EXOC2: variants seen among roughly 807,000 people sequenced by gnomAD.
EXOC2 encodes exocyst complex component 2, also known as SEC5-like 1.
A neutral mutation model predicts 131.8 loss-of-function variants in EXOC2; 70 were observed. The observed-to-expected ratio is 0.53, with a 90% CI of 0.44 to 0.65. EXOC2 has a LOEUF of 0.65. Ranked by LOEUF, EXOC2 falls within the 30% of genes least tolerant of loss-of-function variation. EXOC2 has a pLI of 0.00. For missense variants in EXOC2, 923 were observed against 1,108.6 expected (o/e 0.83, Z 2.38); for synonymous variants, 411 against 398.4 (o/e 1.03, Z -0.38).
rs1760640045 is a variant in EXOC2 at position 610,121 on chromosome 6, T to C, written c.719A>G (p.Gln240Arg). The change falls in exon 7 of 28, where the codon CAG (glutamine) becomes CGG (arginine). Residue 240 changes from glutamine (Q) to arginine (R), a missense_variant. By Grantham distance (43) the Gln-to-Arg change is conservative. Transcript: ENST00000230449. ...GTEKVEGSMT[Q>R]KLENVLNRAS... ...ACTGTTCAGAACATTCTCCAGTTTCTGCGTCATGGATCCTTCTACTTTTTC... is the reference window on the plus strand; with the variant it reads ...ACTGTTCAGAACATTCTCCAGTTTCCGCGTCATGGATCCTTCTACTTTTTC... The C allele has an allele frequency of 1.2e-6, 2 of 1,613,994 alleles. No homozygotes were observed. Among genetic ancestry groups the C allele is most frequent in the South Asian group, 2.2e-5 (2 of 91,062 alleles).
chr6:500,948 C>T (rs1764011215), intron 23 of EXOC2, among the ~76,000 whole-genome samples: 2 of 150,202 alleles, frequency 1.3e-5, no homozygotes, highest in African/African-American at 4.9e-5. Flanking sequence ...CTACGGTATA[C>T]AAATAAGGAC....
At chr6:572,999 A>G (rs538490370) in intron 12 of EXOC2, among the ~76,000 whole-genome samples, 1 of 152,326 alleles carries the variant, frequency 6.6e-6, no homozygotes, top group South Asian at 2.1e-4. Flanking sequence ...CGTCTCTTCA[A>G]AAAGTCCCGC....
chr6:629,449 GA>G, intron 4 of EXOC2, among the ~76,000 whole-genome samples: 1 of 152,220 alleles, frequency 6.6e-6, no homozygotes, highest in East Asian at 1.9e-4. Context: ...CAAAATTAAA[GA>G]CCAGATTAGA....
intron 2 of EXOC2, among the ~76,000 whole-genome samples, chr6:634,227 G>C (rs1020511261): frequency 6.6e-6 from 1 of 151,936 alleles, no homozygotes; most frequent in African/African-American, 2.4e-5. Context: ...CACCACGCTC[G>C]GCTAGTTTTT....
At chr6:610,025 T>C in intron 7 of EXOC2, 73 bp downstream of exon 7, 1 of 1,339,526 alleles carries the variant, frequency 7.5e-7, no homozygotes. Flanking sequence ...TCCCGCGATA[T>C]CAGGTCCAAG....
At chr6:572,445 A>G (rs560211240) in intron 13 of EXOC2, 75 bp downstream of exon 13, 1 of 1,518,320 alleles carries the variant, frequency 6.6e-7, no homozygotes, top group African/African-American at 1.4e-5. Context: ...TTAAAAAATC[A>G]CTTAAATCTA....
intron 24 of EXOC2, 54 bp from the exon 25 acceptor site, chr6:497,543 G>A (rs1763811509): frequency 1.9e-6 from 3 of 1,553,444 alleles, no homozygotes; most frequent in Middle Eastern, 1.7e-4. Context: ...ACTTGAATTT[G>A]TTAAAGACAA....
chr6:498,714 T>C (rs577474864), intron 24 of EXOC2, among the ~76,000 whole-genome samples: 1 of 152,276 alleles, frequency 6.6e-6, no homozygotes, highest in Non-Finnish European at 1.5e-5. Flanking sequence ...CACTCTTAAT[T>C]AACCATGTTT....
chr6:659,474 C>A (rs1204506491), intron 1 of EXOC2, among the ~76,000 whole-genome samples: 1 of 152,220 alleles, frequency 6.6e-6, no homozygotes, highest in East Asian at 1.9e-4. Context: ...AACCAGCAAT[C>A]TCAGACCCTC....
At chr6:628,811 A>G (rs1761707150) in intron 4 of EXOC2, among the ~76,000 whole-genome samples, 1 of 152,018 alleles carries the variant, frequency 6.6e-6, no homozygotes, top group African/African-American at 2.4e-5. Context: ...TGTTACCATT[A>G]TTTTCTAAAC....
At chr6:556,135 A>T (rs1265591138) in intron 18 of EXOC2, 122 bp from the exon 19 acceptor site, 15 of 905,320 alleles carry the variant, frequency 1.7e-5, no homozygotes, top group Non-Finnish European at 2.6e-5. Flanking sequence ...CCTTCCTATA[A>T]AAGGAGGCGT....
intron 1 of EXOC2, among the ~76,000 whole-genome samples, chr6:674,604 A>G (rs936337648): frequency 1.3e-5 from 2 of 152,086 alleles, no homozygotes; most frequent in African/African-American, 4.8e-5. Context: ...GGTCAAATTT[A>G]TGCCTCTTCT....
At chr6:548,434 A>C (rs528038177) in intron 22 of EXOC2, among the ~76,000 whole-genome samples, 2 of 152,310 alleles carry the variant, frequency 1.3e-5, no homozygotes, top group East Asian at 1.9e-4. Context: ...AAATCTGATA[A>C]ACCTTTGCCC....
intron 13 of EXOC2, among the ~76,000 whole-genome samples, chr6:565,549 A>G (rs1404803010): frequency 6.6e-6 from 1 of 152,326 alleles, no homozygotes; most frequent in East Asian, 1.9e-4. Flanking sequence ...AGAACTGTTT[A>G]TTAACAAATT....
At chr6:562,974 G>A (rs1416419807) in intron 16 of EXOC2, 129 bp from the exon 17 acceptor site, 9 of 541,304 alleles carry the variant, frequency 1.7e-5, no homozygotes, top group Non-Finnish European at 2.4e-5. Context: ...ATGAAAGTAG[G>A]CAAAGAATAT....
At chr6:658,645 T>TATA (rs1554146212) in intron 1 of EXOC2, among the ~76,000 whole-genome samples, 1 of 118,348 alleles carries the variant, frequency 8.4e-6, no homozygotes, top group Admixed American at 9.1e-5. Context: ...TATATATATT[T>TATA]TATATATATA....
chr6:654,252 T>G (rs1260117621), intron 1 of EXOC2, among the ~76,000 whole-genome samples: 1 of 152,168 alleles, frequency 6.6e-6, no homozygotes, highest in East Asian at 1.9e-4. Flanking sequence ...GAAATAAATT[T>G]TGTACGTTTA....
chr6:529,972 TAAAC>T (rs372599652), intron 23 of EXOC2, among the ~76,000 whole-genome samples: 205 of 152,390 alleles, frequency 1.3e-3, no homozygotes, highest in African/African-American at 3.9e-3. Flanking sequence ...TTTAAATAGT[TAAAC>T]AGACAGACGT....
chr6:689,025 C>T (rs750831544), intron 1 of EXOC2: 2 of 152,196 alleles, frequency 1.3e-5, no homozygotes, highest in Non-Finnish European at 2.9e-5. Context: ...CAAAGTGGCA[C>T]TGTTAGCAAG....
Sources: allele counts gnomAD v4.1 joint callset (sites outside exome capture counted in the v4.1 genomes callset), GRCh38; gene constraint gnomAD v4.1.1; transcripts MANE v1.5; gene names NCBI Gene and HGNC (gene_info 2026-07-23, HGNC 2026-07-21).